Variants in CPA6 observed in about 807,000 individuals in gnomAD.
CPA6 encodes carboxypeptidase A6, also known as carboxypeptidase B.
CPA6 carries 58 observed loss-of-function variants against 63.3 expected under a neutral mutation model. The observed-to-expected ratio is 0.92, with a 90% CI of 0.74 to 1.14. CPA6 has a LOEUF of 1.14. Ranked by LOEUF, CPA6 falls within the 50% of genes most tolerant of loss-of-function variation. CPA6 has a pLI of 0.00. For missense variants in CPA6, 565 were observed against 526.6 expected (o/e 1.07, Z -0.71); for synonymous variants, 185 against 179.0 (o/e 1.03, Z -0.27).
chr8:67,499,428 A>C (rs1351340652), intron 6 of CPA6, among the ~76,000 whole-genome samples: 1 of 152,226 alleles, frequency 6.6e-6, no homozygotes, highest in African/African-American at 2.4e-5. Flanking sequence ...TTTATAATAA[A>C]CTTCTGATTT....
chr8:67,608,877 T>G (rs1330153263), intron 2 of CPA6, among the ~76,000 whole-genome samples: 1 of 152,188 alleles, frequency 6.6e-6, no homozygotes, highest in Non-Finnish European at 1.5e-5. Flanking sequence ...TCATGATCAG[T>G]TGTATGGCCA....
At chr8:67,640,261 T>G (rs1815560313) in intron 1 of CPA6, among the ~76,000 whole-genome samples, 1 of 151,376 alleles carries the variant, frequency 6.6e-6, no homozygotes, top group South Asian at 2.1e-4. Flanking sequence ...TGCCTCCTGC[T>G]GCCATTCATG....
intron 1 of CPA6, among the ~76,000 whole-genome samples, chr8:67,736,882 C>T (rs970606552): frequency 3.9e-5 from 6 of 152,228 alleles, no homozygotes; most frequent in African/African-American, 1.4e-4. Context: ...GCTATTCCCT[C>T]TGTGAAATAG....
chr8:67,447,534 CACACACACACACAT>C lies in CPA6; in HGVS notation c.839-13308_839-13295del, dbSNP rs145753034. ...ACACACACACACACACACACACACA[CACACACACACACAT>C]ACACATTTTAAATAGGTGATAAATT... is the stretch of plus-strand genomic sequence containing the variant. On this transcript the variant is annotated intron_variant, in intron 8 of 10. Coordinates refer to ENST00000297770, the MANE Select transcript of CPA6 (RefSeq NM_020361.5). Among the ~76,000 whole-genome samples the C allele has an allele frequency of 8.3e-3, 1,233 of 149,060 alleles. 17 individuals are homozygous for C. Among genetic ancestry groups the C allele is most frequent in the African/African-American group, 0.029 (1,113 of 38,836 alleles).
chr8:67,515,689 A>T (rs904361588), intron 3 of CPA6, among the ~76,000 whole-genome samples: 5 of 152,092 alleles, frequency 3.3e-5, no homozygotes, highest in African/African-American at 1.2e-4. Flanking sequence ...TAATCTTGCC[A>T]TCAGCCAAGG....
At chr8:67,483,449 A>G (rs112213693) in intron 8 of CPA6, 5,858 of 413,552 alleles carry the variant, frequency 0.014, 55 homozygotes, top group Non-Finnish European at 0.018. Flanking sequence ...AACCAGAATT[A>G]TACTACACCA....
chr8:67,455,764 C>T (rs1244131725), intron 8 of CPA6, among the ~76,000 whole-genome samples: 2 of 149,150 alleles, frequency 1.3e-5, no homozygotes, highest in Admixed American at 6.7e-5. Flanking sequence ...CATTTTGTTA[C>T]CCAGGCTGGA....
chr8:67,674,533 G>A (rs952594710), intron 1 of CPA6, among the ~76,000 whole-genome samples: 10 of 152,192 alleles, frequency 6.6e-5, no homozygotes, highest in Admixed American at 2.0e-4. Flanking sequence ...AGATGCTGGC[G>A]AGGCTGTAGA....
intron 2 of CPA6, among the ~76,000 whole-genome samples, chr8:67,559,086 A>C (rs1381021181): frequency 6.6e-6 from 1 of 151,992 alleles, no homozygotes; most frequent in Non-Finnish European, 1.5e-5. Context: ...GTGTCAGGGC[A>C]CTAGTGTTTG....
chr8:67,607,099 T>C (rs1044715804), intron 2 of CPA6, among the ~76,000 whole-genome samples: 3 of 149,454 alleles, frequency 2.0e-5, no homozygotes, highest in African/African-American at 7.5e-5. Context: ...CTTCTTCTTC[T>C]TCTTCTTTCC....
At chr8:67,431,664 G>A (rs1173901148) in intron 9 of CPA6, among the ~76,000 whole-genome samples, 1 of 152,132 alleles carries the variant, frequency 6.6e-6, no homozygotes, top group Non-Finnish European at 1.5e-5. Flanking sequence ...AGGGTGCCGG[G>A]TCAACAAAAA....
At chr8:67,702,727 C>T (rs1266777917) in intron 1 of CPA6, among the ~76,000 whole-genome samples, 2 of 152,186 alleles carry the variant, frequency 1.3e-5, no homozygotes, top group Admixed American at 1.3e-4. Context: ...AGTAACCACA[C>T]TGCGCATACG....
chr8:67,699,614 T>C (rs1178696423), intron 1 of CPA6, among the ~76,000 whole-genome samples: 1 of 151,740 alleles, frequency 6.6e-6, no homozygotes, highest in African/African-American at 2.4e-5. Context: ...TGAGACAGAG[T>C]TTCACTCTTG....
intron 1 of CPA6, among the ~76,000 whole-genome samples, chr8:67,688,088 C>G (rs1212499191): frequency 6.6e-6 from 1 of 152,096 alleles, no homozygotes; most frequent in Non-Finnish European, 1.5e-5. Flanking sequence ...GGGAGGATCA[C>G]CAGAATATGA....
At chr8:67,611,353 G>A (rs1284147015) in intron 2 of CPA6, among the ~76,000 whole-genome samples, 1 of 152,124 alleles carries the variant, frequency 6.6e-6, no homozygotes, top group East Asian at 1.9e-4. Context: ...CAAAGTGCTG[G>A]GATTACAGGT....
chr8:67,687,270 A>G (rs770060537), intron 1 of CPA6, among the ~76,000 whole-genome samples: 1 of 152,194 alleles, frequency 6.6e-6, no homozygotes, highest in Non-Finnish European at 1.5e-5. Flanking sequence ...CCTTGAGCCA[A>G]CCAGGATGGT....
intron 2 of CPA6, among the ~76,000 whole-genome samples, chr8:67,523,793 A>G (rs1233418355): frequency 6.6e-6 from 1 of 152,214 alleles, no homozygotes; most frequent in Non-Finnish European, 1.5e-5. Flanking sequence ...AGTGTCCTCC[A>G]GAAGCTTCAG....
chr8:67,549,940 A>G (rs1353436268), intron 2 of CPA6, among the ~76,000 whole-genome samples: 2 of 152,236 alleles, frequency 1.3e-5, no homozygotes, highest in African/African-American at 4.8e-5. Flanking sequence ...TAATGCTGCC[A>G]TGAATACAGG....
At chr8:67,728,864 C>G (rs571041867) in intron 1 of CPA6, among the ~76,000 whole-genome samples, 2 of 152,166 alleles carry the variant, frequency 1.3e-5, no homozygotes, top group Non-Finnish European at 2.9e-5. Context: ...TGGTCCGAAC[C>G]TTTATTTTGC....
Sources: allele counts gnomAD v4.1 joint callset (sites outside exome capture counted in the v4.1 genomes callset), GRCh38; gene constraint gnomAD v4.1.1; transcripts MANE v1.5; gene names NCBI Gene and HGNC (gene_info 2026-07-23, HGNC 2026-07-21).